XIST: variants seen among roughly 807,000 people sequenced by gnomAD.
XIST encodes X inactive specific transcript (non-protein coding).
rs753797022 is a variant in XIST, at chrX:73,820,836, A to C, written n.19065T>G. On this transcript the variant is annotated non_coding_transcript_exon_variant, in exon 6 of 6. Coordinates refer to ENST00000429829, the Ensembl canonical transcript of XIST. Reference sequence around the variant, plus strand: ...GCATTTCACATCAGTTCACAAGTTCAAGAGTCTTCCATTTATCTTAGCTTT... The same window carrying C: ...GCATTTCACATCAGTTCACAAGTTCCAGAGTCTTCCATTTATCTTAGCTTT... 5.4e-6 allele frequency: 3 copies of C among 558,874 alleles called. No individual in the cohort carries two copies. The Admixed American group carries it at 6.6e-5, about 12-fold the overall frequency. 46.1% of individuals were successfully genotyped at this position (558,874 alleles called of 1,213,427 possible).
chrX:73,825,275 G>T, exon 6 of XIST: 1 of 558,725 alleles, frequency 1.8e-6, no homozygotes, highest in Middle Eastern at 3.1e-4. Context: ...ACACAAATTG[G>T]CCTCAAATAT....
chrX:73,850,507 C>G (rs1205616532), exon 1 of XIST: 1 of 549,600 alleles, frequency 1.8e-6, no homozygotes, highest in Non-Finnish European at 3.3e-6. Context: ...CCGACCCCAG[C>G]ATTAGCCAAG....
intron 4 of XIST, among the ~76,000 whole-genome samples, chrX:73,830,437 T>C (rs923116089): frequency 1.8e-5 from 2 of 112,300 alleles, no homozygotes; most frequent in Non-Finnish European, 1.9e-5. Flanking sequence ...TTGCACCGAA[T>C]GGTCACCTTT....
chrX:73,827,587 C>T (rs747368943), exon 6 of XIST: 1 of 546,394 alleles, frequency 1.8e-6, no homozygotes, highest in Non-Finnish European at 3.3e-6. Flanking sequence ...GAAAGGAGGC[C>T]AGACTCAGAA....
intron 5 of XIST, chrX:73,828,122 A>T (rs1922305679): frequency 6.9e-6 from 3 of 433,602 alleles, no homozygotes; most frequent in South Asian, 3.8e-5. Context: ...ATTAGTAATT[A>T]TAATAAACTA....
chrX:73,837,979 A>T (rs1167346533), intron 1 of XIST, among the ~76,000 whole-genome samples: 1 of 111,818 alleles, frequency 8.9e-6, no homozygotes, highest in Non-Finnish European at 1.9e-5. Context: ...GTTATTTTTT[A>T]AAAAAACATT....
Position 73,842,893 on chromosome X carries a change from T to C in XIST, n.9831A>G, listed in dbSNP as rs887769669. ...ACCTGAGATTGTGAGCAATAGTCTG[T>C]AAAAAGGGGCCAAGGGCACACAAGG... On this transcript the variant is annotated non_coding_transcript_exon_variant, in exon 1 of 6. Transcript: ENST00000429829. The C allele has an allele frequency of 7.2e-6, 4 of 555,790 alleles. No homozygotes were observed. In the African/African-American group the frequency reaches 9.0e-5, roughly 13 times the overall value. 45.8% of individuals were successfully genotyped at this position (555,790 alleles called of 1,213,427 possible).
chrX:73,827,715 A>G, exon 6 of XIST: 1 of 549,858 alleles, frequency 1.8e-6, no homozygotes, highest in Non-Finnish European at 3.3e-6. Flanking sequence ...AAAAGGACAA[A>G]AAGCACACAG....
chrX:73,845,000 G>C (rs777109392), exon 1 of XIST: 1 of 537,880 alleles, frequency 1.9e-6, no homozygotes, highest in African/African-American at 2.6e-5. Flanking sequence ...AATCACATAC[G>C]TTAACAGGCC....
intron 2 of XIST, among the ~76,000 whole-genome samples, chrX:73,834,943 G>A (rs1922454134): frequency 9.4e-6 from 1 of 106,720 alleles, no homozygotes; most frequent in Non-Finnish European, 1.9e-5. Flanking sequence ...GCAGTGAGTC[G>A]AGATCGTGCT....
At chrX:73,850,231 C>A in exon 1 of XIST, 1 of 549,394 alleles carries the variant, frequency 1.8e-6, no homozygotes, top group East Asian at 3.3e-5. Flanking sequence ...AAATGACCAG[C>A]ACATTTTTAA....
chrX:73,822,646 C>G, exon 6 of XIST: 1 of 524,746 alleles, frequency 1.9e-6, no homozygotes, highest in Non-Finnish European at 3.4e-6. Flanking sequence ...AGATAACAGT[C>G]ACTTCTGTTT....
exon 6 of XIST, chrX:73,826,230 T>C (rs765264005): frequency 1.8e-6 from 1 of 557,764 alleles, no homozygotes; most frequent in African/African-American, 2.2e-5. Context: ...CATTTTTCTC[T>C]AGAGAGCCTG....
At chrX:73,822,227 G>T in exon 6 of XIST, 1 of 558,448 alleles carries the variant, frequency 1.8e-6, no homozygotes, top group South Asian at 2.2e-5. Flanking sequence ...CTAGGAAAAT[G>T]AAGTGTCTAT....
chrX:73,846,265 C>T (rs1207550831), exon 1 of XIST: 2 of 557,371 alleles, frequency 3.6e-6, no homozygotes, highest in Non-Finnish European at 3.2e-6. Flanking sequence ...ATAGGTTGAG[C>T]TGTGTGTAGT....
chrX:73,828,120 TTATAA>T (rs781706136), intron 5 of XIST: 1 of 434,933 alleles, frequency 2.3e-6, no homozygotes, highest in Admixed American at 4.2e-5. Context: ...TCATTAGTAA[TTATAA>T]TAAACTATTG....
chrX:73,838,512 T>G (rs1922526543), intron 1 of XIST, among the ~76,000 whole-genome samples: 1 of 111,180 alleles, frequency 9.0e-6, no homozygotes, highest in Non-Finnish European at 1.9e-5. Context: ...TAATCAAAAG[T>G]TATTTCTAAT....
chrX:73,843,030 A>T (rs754418434), exon 1 of XIST: 1 of 558,656 alleles, frequency 1.8e-6, no homozygotes, highest in East Asian at 3.2e-5. Context: ...TTTGATAGAC[A>T]AGTGCATGGA....
exon 6 of XIST, chrX:73,823,212 C>A: frequency 1.8e-6 from 1 of 540,695 alleles, no homozygotes; most frequent in East Asian, 3.3e-5. Context: ...TTATCAGTCT[C>A]CTGGCTTTAA....
Sources: gnomAD v4.1 joint callset for allele counts (sites outside exome capture counted in the v4.1 genomes callset) on GRCh38, gnomAD v4.1.1 for gene constraint, MANE v1.5 for transcripts, NCBI Gene and HGNC (gene_info 2026-07-23, HGNC 2026-07-21) for gene names.